ARMC10: variants seen among roughly 807,000 people sequenced by gnomAD.
The protein encoded by ARMC10 is armadillo repeat containing 10.
A neutral mutation model predicts 30.2 loss-of-function variants in ARMC10; 23 were observed. The observed-to-expected ratio is 0.76, with a 90% CI of 0.55 to 1.08. The LOEUF is 1.08. ARMC10 is among the 50% of genes least tolerant of loss of function. The pLI is 0.00. For synonymous variants in ARMC10, 111 were observed against 164.4 expected, an observed-to-expected ratio of 0.68 and a Z score of 2.48; for missense variants, 303 against 413.7, an observed-to-expected ratio of 0.73 and a Z score of 2.32.
At chr7:103,081,920 AC>A (rs1800418478) in intron 2 of ARMC10, 1 of 456,580 alleles carries the variant, frequency 2.2e-6, no homozygotes, top group South Asian at 1.5e-5. Flanking sequence ...TAAGTGACTT[AC>A]TTGTAACTTT....
In ARMC10 at chr7:103,098,929, G is replaced by C. The variant is rs1455062395; in HGVS notation, c.*376G>C. Reference sequence around the variant, plus strand: ...CATTGTTTCACAACTGAATAGTCTTGTTCTTTTAGTAGCAACGAAATCCTA... The same window carrying C: ...CATTGTTTCACAACTGAATAGTCTTCTTCTTTTAGTAGCAACGAAATCCTA... On this transcript the variant is annotated 3_prime_UTR_variant, in exon 7 of 7. Transcript: ENST00000323716. 1 of 117,050 alleles carries C rather than the reference G, an allele frequency of 8.5e-6. No homozygotes were observed. Among genetic ancestry groups the C allele is most frequent in the Non-Finnish European group, 1.9e-5 (1 of 52,922 alleles). The allele number at this position is 117,050 out of a possible 1,614,324, so 7.3% of individuals were successfully genotyped here.
At chr7:103,085,635 T>A (rs974791473) in intron 3 of ARMC10, among the ~76,000 whole-genome samples, 14 of 149,910 alleles carry the variant, frequency 9.3e-5, no homozygotes, top group Non-Finnish European at 1.9e-4. Flanking sequence ...TTCTTTTTTT[T>A]GTGGCAGAGT....
At chr7:103,083,924 C>CT in intron 3 of ARMC10, 94 bp downstream of exon 3, 1 of 1,526,260 alleles carries the variant, frequency 6.6e-7, no homozygotes, top group Non-Finnish European at 8.9e-7. Flanking sequence ...CTCAGACCCT[C>CT]AATTTCCTCA....
chr7:103,093,675 T>C (rs1171236954), intron 5 of ARMC10, among the ~76,000 whole-genome samples: 1 of 152,184 alleles, frequency 6.6e-6, no homozygotes, highest in Non-Finnish European at 1.5e-5. Context: ...GGGAAACTCC[T>C]TCCCTCTTTA....
chr7:103,088,553 C>T (rs1335352016), intron 4 of ARMC10: 1 of 153,398 alleles, frequency 6.5e-6, no homozygotes, highest in African/African-American at 2.4e-5. Flanking sequence ...AAAAATCTTA[C>T]TTTTTTCCCA....
intron 2 of ARMC10, chr7:103,083,224 A>T (rs780483704): frequency 9.0e-5 from 40 of 443,756 alleles, no homozygotes; most frequent in Non-Finnish European, 1.4e-4. Context: ...TACACTTCCC[A>T]GCTGTAATTT....
intron 4 of ARMC10, chr7:103,087,891 C>A: frequency 1.9e-6 from 1 of 535,120 alleles, no homozygotes; most frequent in Non-Finnish European, 2.4e-6. Context: ...GAAGCAAAAG[C>A]AGACCATTCT....
At chr7:103,085,417 C>CT (rs1166335473) in intron 3 of ARMC10, among the ~76,000 whole-genome samples, 1 of 152,062 alleles carries the variant, frequency 6.6e-6, no homozygotes, top group Admixed American at 6.6e-5. Context: ...CAGTCTTTTT[C>CT]TTTTTTCCTG....
At chr7:103,079,017 AAAAAT>A (rs1481363799) in intron 2 of ARMC10, among the ~76,000 whole-genome samples, 18 of 152,336 alleles carry the variant, frequency 1.2e-4, no homozygotes, top group African/African-American at 4.3e-4. Flanking sequence ...TTAAAAAATA[AAAAAT>A]AAAATAATTT....
chr7:103,084,161 G>A (rs1250072349), intron 3 of ARMC10: 2 of 631,572 alleles, frequency 3.2e-6, no homozygotes, highest in Non-Finnish European at 4.8e-6. Flanking sequence ...TAACATTTAA[G>A]TACATACTTT....
At chr7:103,080,396 A>G (rs1348209075) in intron 2 of ARMC10, among the ~76,000 whole-genome samples, 1 of 151,850 alleles carries the variant, frequency 6.6e-6, no homozygotes, top group Non-Finnish European at 1.5e-5. Flanking sequence ...CTGGGACTAC[A>G]GGCATGTGCC....
intron 4 of ARMC10, 116 bp downstream of exon 4, chr7:103,086,880 C>T (rs1027914852): frequency 9.8e-6 from 15 of 1,531,094 alleles, no homozygotes; most frequent in Non-Finnish European, 1.3e-5. Context: ...CAAGGATTAC[C>T]TTTAGAGGAA....
intron 2 of ARMC10, among the ~76,000 whole-genome samples, chr7:103,077,936 C>A (rs969601386): frequency 6.6e-6 from 1 of 152,200 alleles, no homozygotes; most frequent in Non-Finnish European, 1.5e-5. Context: ...TTGAAGAAGA[C>A]TTGAGAAATG....
chr7:103,089,423 G>A (rs1483934287), intron 4 of ARMC10: 1 of 176,128 alleles, frequency 5.7e-6, no homozygotes, highest in Non-Finnish European at 1.3e-5. Context: ...ATAGAATAAG[G>A]TGGTTTTCTA....
chr7:103,083,062 A>G, intron 2 of ARMC10: 1 of 456,736 alleles, frequency 2.2e-6, no homozygotes, highest in Non-Finnish European at 4.4e-6. Context: ...TAATCTCTTT[A>G]TAGGTAAGTG....
In ARMC10 at chr7:103,088,812, G is replaced by A. The variant is rs539177319; in HGVS notation, c.528+2048G>A. 19 of 173,240 alleles carry A rather than the reference G, an allele frequency of 1.1e-4. 1 individual carries two copies. The Middle Eastern group carries it at 2.3e-3, about 21-fold the overall frequency. The allele number at this position is 173,240 out of a possible 1,614,324, so 10.7% of individuals were successfully genotyped here. On this transcript the variant is annotated intron_variant, in intron 4 of 6. Transcript: ENST00000323716. ...CCAGCTTGACAGGCTGCTGCAAATT[G>A]CTGAGATTCCTCCTTGGTTGAGGAA...
At chr7:103,084,208 C>T in intron 3 of ARMC10, 1 of 394,668 alleles carries the variant, frequency 2.5e-6, no homozygotes, top group Non-Finnish European at 4.4e-6. Context: ...GATTCTGATG[C>T]TGATGGTCCC....
At chr7:103,081,801 T>C (rs1422806089) in intron 2 of ARMC10, 1 of 445,344 alleles carries the variant, frequency 2.2e-6, no homozygotes, top group Non-Finnish European at 4.5e-6. Flanking sequence ...TATGCATGTG[T>C]ATATGAAATC....
At chr7:103,083,087 G>A (rs1196411038) in intron 2 of ARMC10, 1 of 456,710 alleles carries the variant, frequency 2.2e-6, no homozygotes, top group Non-Finnish European at 4.4e-6. Context: ...TTGGATGGGT[G>A]TACCTCGTTT....
Sources: gnomAD v4.1 joint callset for allele counts (sites outside exome capture counted in the v4.1 genomes callset) on GRCh38, gnomAD v4.1.1 for gene constraint, MANE v1.5 for transcripts, NCBI Gene and HGNC (gene_info 2026-07-23, HGNC 2026-07-21) for gene names.